The following STYK1 variants were observed in gnomAD, a reference collection of about 807,000 sequenced individuals.
STYK1 encodes tyrosine-protein kinase STYK1.
A neutral mutation model predicts 48.1 loss-of-function variants in STYK1; 46 were observed. The ratio of observed to expected loss-of-function variants is 0.96; its 90% confidence interval spans 0.75 to 1.22. STYK1 has a LOEUF of 1.22. Ranked by LOEUF, STYK1 falls within the 50% of genes most tolerant of loss-of-function variation. STYK1 has a pLI of 0.00. For missense variants in STYK1, 527 were observed against 521.1 expected (o/e 1.01, Z -0.11); for synonymous variants, 188 against 189.0 (o/e 0.99, Z 0.04).
At chr12:10,636,287 C>A (rs1947484854) in intron 2 of STYK1, among the ~76,000 whole-genome samples, 1 of 152,308 alleles carries the variant, frequency 6.6e-6, no homozygotes, top group African/African-American at 2.4e-5. Context: ...TTAAACAATT[C>A]CCTTACGACT....
At chr12:10,626,511 A>G (rs921337079) in intron 7 of STYK1, among the ~76,000 whole-genome samples, 1 of 152,040 alleles carries the variant, frequency 6.6e-6, no homozygotes, top group Non-Finnish European at 1.5e-5. Context: ...ACATCCCTAT[A>G]TTTCACACCT....
intron 1 of STYK1, among the ~76,000 whole-genome samples, chr12:10,642,652 C>A (rs116109624): frequency 1.3e-5 from 2 of 152,106 alleles, no homozygotes; most frequent in African/African-American, 4.8e-5. Context: ...ATACTCTATG[C>A]ACAGAGAGGG....
chr12:10,624,284 C>T (rs1947331132), intron 8 of STYK1, among the ~76,000 whole-genome samples: 1 of 151,136 alleles, frequency 6.6e-6, no homozygotes, highest in Non-Finnish European at 1.5e-5. Context: ...AATAGCCAAG[C>T]AGGGTGGTGC....
chr12:10,646,287 T>C (rs1039558101), intron 1 of STYK1, among the ~76,000 whole-genome samples: 5 of 152,194 alleles, frequency 3.3e-5, no homozygotes, highest in Non-Finnish European at 5.9e-5. Context: ...GATAATGATA[T>C]GAACAATGAA....
Position 10,621,906 on chromosome 12 carries a change from A to G in STYK1, c.1034T>C (p.Met345Thr). 3.1e-6 allele frequency: 5 copies of G among 1,613,944 alleles called. No individual in the cohort carries two copies. The highest frequency in any genetic ancestry group is 4.2e-6 in the Non-Finnish European group (5 of 1,179,844). The change falls in exon 10 of 11, where the codon ATG (methionine) becomes ACG (threonine). Residue 345 changes from methionine (M) to threonine (T), a missense_variant. Coordinates refer to ENST00000075503, the MANE Select transcript of STYK1 (RefSeq NM_018423.3). ...ILEHLQRRKI[M>T]KRPSSCTHTM... ...ATGTGTGCAGCTACTGGGTCTCTTC[A>G]TGATTTTCCTTCTTTGGAGATGCTC... is the stretch of plus-strand genomic sequence containing the variant.
intron 1 of STYK1, among the ~76,000 whole-genome samples, chr12:10,654,566 T>A (rs148189463): frequency 1.0e-3 from 155 of 152,238 alleles, no homozygotes; most frequent in African/African-American, 3.6e-3. Context: ...GGGCGGGGTA[T>A]GTTTTGCCCA....
intron 1 of STYK1, among the ~76,000 whole-genome samples, chr12:10,646,806 G>C (rs1220127710): frequency 2.8e-4 from 43 of 152,176 alleles, no homozygotes; most frequent in Admixed American, 2.8e-3. Flanking sequence ...TAGGGACTTG[G>C]TGCCCTGTGT....
chr12:10,629,817 C>A (rs1947402750), intron 5 of STYK1, 143 bp from the exon 6 acceptor site: 2 of 742,614 alleles, frequency 2.7e-6, no homozygotes, highest in African/African-American at 1.8e-5. Context: ...ACAAAGGGGA[C>A]TAATTAGATG....
chr12:10,634,230 TCATCTCTTCTAC>T, intron 3 of STYK1, 106 bp from the exon 4 acceptor site: 8 of 1,309,828 alleles, frequency 6.1e-6, no homozygotes, highest in Non-Finnish European at 7.4e-6. Flanking sequence ...CATGAAAAGG[TCATCTCTTCTAC>T]CATCTCCTCT....
intron 1 of STYK1, among the ~76,000 whole-genome samples, chr12:10,647,828 T>C (rs1947617304): frequency 1.3e-5 from 2 of 151,620 alleles, no homozygotes; most frequent in African/African-American, 4.9e-5. Flanking sequence ...TAAAGGGGAG[T>C]TTCCCTGCAC....
chr12:10,671,802 G>T (rs1208961750), intron 1 of STYK1, among the ~76,000 whole-genome samples: 4 of 152,242 alleles, frequency 2.6e-5, no homozygotes, highest in African/African-American at 9.6e-5. Context: ...GGGACTGGTT[G>T]TGAGGGTTTG....
intron 1 of STYK1, among the ~76,000 whole-genome samples, chr12:10,668,949 GT>G (rs1288967063): frequency 6.6e-6 from 1 of 152,166 alleles, no homozygotes; most frequent in Non-Finnish European, 1.5e-5. Context: ...CAGAAAGCAT[GT>G]TGGAGAACTA....
intron 1 of STYK1, among the ~76,000 whole-genome samples, chr12:10,666,523 A>G (rs912540442): frequency 6.6e-6 from 1 of 152,186 alleles, no homozygotes; most frequent in Admixed American, 6.5e-5. Context: ...TTTTTCCAGA[A>G]AGGCACCTGA....
At chr12:10,623,111 T>C (rs1180201657) in intron 8 of STYK1, among the ~76,000 whole-genome samples, 5 of 152,202 alleles carry the variant, frequency 3.3e-5, no homozygotes, top group Non-Finnish European at 7.3e-5. Context: ...AGTCACTATT[T>C]TCTCAGTAGA....
intron 1 of STYK1, among the ~76,000 whole-genome samples, chr12:10,663,667 C>T (rs1396086961): frequency 5.6e-5 from 6 of 107,080 alleles, no homozygotes; most frequent in Admixed American, 1.0e-4. Flanking sequence ...CAACTTTGTT[C>T]TTTTTCAAGA....
At chr12:10,629,724 G>C (rs1947401527) in intron 5 of STYK1, 50 bp from the exon 6 acceptor site, 2 of 1,607,574 alleles carry the variant, frequency 1.2e-6, no homozygotes, top group Non-Finnish European at 1.7e-6. Flanking sequence ...CATCCTCGAT[G>C]AGTGGGAGGC....
At chr12:10,658,977 GC>G (rs769153109) in intron 1 of STYK1, among the ~76,000 whole-genome samples, 1 of 152,124 alleles carries the variant, frequency 6.6e-6, no homozygotes, top group Non-Finnish European at 1.5e-5. Context: ...TTTTAAAGGT[GC>G]CTTATAGTCA....
chr12:10,622,146 G>A (rs1358686622), intron 9 of STYK1, among the ~76,000 whole-genome samples, 174 bp from the exon 10 acceptor site: 1 of 152,102 alleles, frequency 6.6e-6, no homozygotes, highest in African/African-American at 2.4e-5. Flanking sequence ...TTAGTGAATT[G>A]GGGGGAAAGG....
chr12:10,648,991 G>T (rs910861407), intron 1 of STYK1, among the ~76,000 whole-genome samples: 1 of 152,178 alleles, frequency 6.6e-6, no homozygotes, highest in Non-Finnish European at 1.5e-5. Context: ...TATGAAAATT[G>T]AGAGCCTGAA....
Sources: allele counts gnomAD v4.1 joint callset (sites outside exome capture counted in the v4.1 genomes callset), GRCh38; gene constraint gnomAD v4.1.1; transcripts MANE v1.5; gene names NCBI Gene and HGNC (gene_info 2026-07-23, HGNC 2026-07-21).